Variants in TSPAN18 observed in about 807,000 individuals in gnomAD.
TSPAN18 encodes the protein tetraspanin-18.
In TSPAN18, 14 loss-of-function variants were observed where a neutral mutation model predicts 27.3. The observed-to-expected ratio is 0.51, with a 90% CI of 0.34 to 0.80. The LOEUF (loss-of-function observed/expected upper bound fraction) is 0.80, where lower values mean the gene tolerates loss of function less well. Ranked by LOEUF, TSPAN18 falls within the 30% of genes least tolerant of loss-of-function variation. The pLI is 0.01. For synonymous variants in TSPAN18, 143 were observed against 136.5 expected (o/e 1.05, Z -0.33); for missense variants, 268 against 323.9 (o/e 0.83, Z 1.32).
intron 1 of TSPAN18, among the ~76,000 whole-genome samples, chr11:44,737,539 C>T (rs905489769): frequency 8.5e-5 from 13 of 152,202 alleles, no homozygotes; most frequent in African/African-American, 3.1e-4. Context: ...AGTCTGCATT[C>T]AATTTATAGG....
intron 3 of TSPAN18, among the ~76,000 whole-genome samples, chr11:44,902,725 C>A (rs1019491069): frequency 1.3e-5 from 2 of 152,156 alleles, no homozygotes; most frequent in African/African-American, 4.8e-5. Flanking sequence ...GGCACCAAAG[C>A]AGGCAGCTCT....
At position 44,928,646 on chromosome 11, in the gene TSPAN18, C is replaced by T. The variant is rs532000389; in HGVS notation, c.700-485C>T. ...ACTAAAAATATAAAAATCAGCTGGGCGTGGTGACGCATGCCTGTAGTCCCA... is the reference window on the plus strand; with the variant it reads ...ACTAAAAATATAAAAATCAGCTGGGTGTGGTGACGCATGCCTGTAGTCCCA... On this transcript the variant is annotated intron_variant, in intron 9 of 9. Coordinates refer to ENST00000520358, the MANE Select transcript of TSPAN18 (RefSeq NM_130783.5). 3.3e-5 allele frequency among the ~76,000 whole-genome samples: 5 copies of T among 152,230 alleles called. No individual in the cohort carries two copies. The East Asian group carries it at 5.8e-4, about 18-fold the overall frequency.
chr11:44,913,077 C>T (rs921686140), intron 5 of TSPAN18, among the ~76,000 whole-genome samples: 5 of 152,196 alleles, frequency 3.3e-5, no homozygotes, highest in Admixed American at 1.3e-4. Context: ...TGGTTCCAAC[C>T]GAAGAGGGCA....
chr11:44,823,078 C>T (rs1219132285), intron 2 of TSPAN18, among the ~76,000 whole-genome samples: 1 of 152,222 alleles, frequency 6.6e-6, no homozygotes, highest in Admixed American at 6.5e-5. Context: ...GTCATCACTT[C>T]ATTCATTACA....
chr11:44,824,832 C>T (rs547944745), intron 2 of TSPAN18, among the ~76,000 whole-genome samples: 3 of 152,206 alleles, frequency 2.0e-5, no homozygotes, highest in South Asian at 2.1e-4. Context: ...GATGCTTCTG[C>T]GGGGATGATG....
At chr11:44,804,708 C>G (rs1245361565) in intron 2 of TSPAN18, among the ~76,000 whole-genome samples, 1 of 148,682 alleles carries the variant, frequency 6.7e-6, no homozygotes, top group Non-Finnish European at 1.5e-5. Flanking sequence ...GTGTGTTTAT[C>G]TTTAAGGTCT....
chr11:44,807,430 A>G (rs1312084287), intron 2 of TSPAN18, among the ~76,000 whole-genome samples: 1 of 142,558 alleles, frequency 7.0e-6, no homozygotes, highest in Admixed American at 7.2e-5. Context: ...TGGGAGGCTG[A>G]GGCAGGAGAA....
chr11:44,824,236 C>A (rs1440509917), intron 2 of TSPAN18, among the ~76,000 whole-genome samples: 2 of 152,212 alleles, frequency 1.3e-5, no homozygotes, highest in African/African-American at 4.8e-5. Context: ...GCCCTCACCC[C>A]ACACCCCTCC....
chr11:44,791,980 G>C (rs982747443), intron 2 of TSPAN18, among the ~76,000 whole-genome samples: 1 of 152,210 alleles, frequency 6.6e-6, no homozygotes, highest in Admixed American at 6.5e-5. Flanking sequence ...CAATGTCCTG[G>C]ATAGGGGGGT....
chr11:44,906,719 A>C (rs1052311868), intron 4 of TSPAN18, among the ~76,000 whole-genome samples: 3 of 152,148 alleles, frequency 2.0e-5, no homozygotes, highest in African/African-American at 7.2e-5. Context: ...AGCCCCTCTC[A>C]AAAAGGTGGA....
intron 2 of TSPAN18, among the ~76,000 whole-genome samples, chr11:44,855,521 T>C (rs1345151554): frequency 6.6e-6 from 1 of 152,098 alleles, no homozygotes. Context: ...ATGGCTTTAT[T>C]TTTTTTTCCC....
intron 2 of TSPAN18, among the ~76,000 whole-genome samples, chr11:44,851,905 G>T (rs1857615767): frequency 6.6e-6 from 1 of 152,120 alleles, no homozygotes; most frequent in African/African-American, 2.4e-5. Context: ...TACAACAGTG[G>T]TTCAGAACAC....
At chr11:44,860,114 C>T (rs1857838314) in intron 2 of TSPAN18, among the ~76,000 whole-genome samples, 1 of 152,208 alleles carries the variant, frequency 6.6e-6, no homozygotes, top group Non-Finnish European at 1.5e-5. Flanking sequence ...CATGCAAACA[C>T]AGGCACATGC....
chr11:44,888,716 A>G (rs1258507104), intron 3 of TSPAN18, among the ~76,000 whole-genome samples: 1 of 152,156 alleles, frequency 6.6e-6, no homozygotes, highest in East Asian at 1.9e-4. Context: ...TCCCCTCTGG[A>G]CAGTCTCCTG....
chr11:44,928,154 CAG>C (rs946822399), intron 9 of TSPAN18, among the ~76,000 whole-genome samples: 1 of 152,190 alleles, frequency 6.6e-6, no homozygotes, highest in Non-Finnish European at 1.5e-5. Flanking sequence ...CAAATCTGGT[CAG>C]AGTCCCTGAG....
At chr11:44,911,844 G>A (rs1437631326) in intron 5 of TSPAN18, among the ~76,000 whole-genome samples, 1 of 152,100 alleles carries the variant, frequency 6.6e-6, no homozygotes, top group Non-Finnish European at 1.5e-5. Flanking sequence ...GGTAGGAGAT[G>A]TGTCCACGAT....
chr11:44,753,900 G>A (rs1037058384), intron 1 of TSPAN18, among the ~76,000 whole-genome samples: 11 of 152,138 alleles, frequency 7.2e-5, no homozygotes, highest in Admixed American at 5.2e-4. Context: ...GTATTTGGAC[G>A]CAACACACTT....
chr11:44,919,190 C>G lies in TSPAN18; in HGVS notation c.334-24C>G, dbSNP rs1465028656. The G allele has an allele frequency of 2.5e-6, 4 of 1,601,514 alleles. No individual in the cohort carries two copies. In the African/African-American group the frequency reaches 4.0e-5, roughly 16 times the overall value. ...GCTGCACCCAACTGCCAGGCCTAAGCCCATCTTCTCCCTCTGCCCCCAGCT... is the reference window on the plus strand; with the variant it reads ...GCTGCACCCAACTGCCAGGCCTAAGGCCATCTTCTCCCTCTGCCCCCAGCT... On this transcript the variant is annotated intron_variant, in intron 6 of 9. Transcript: ENST00000520358.
At chr11:44,861,795 A>T (rs72899305) in intron 3 of TSPAN18, among the ~76,000 whole-genome samples, 17,893 of 53,658 alleles carry the variant, frequency 0.33, 1,345 homozygotes, top group South Asian at 0.45. Flanking sequence ...CCCAAATTTC[A>T]CACACACACA....
Sources: allele counts gnomAD v4.1 joint callset (sites outside exome capture counted in the v4.1 genomes callset), GRCh38; gene constraint gnomAD v4.1.1; transcripts MANE v1.5; gene names NCBI Gene and HGNC (gene_info 2026-07-23, HGNC 2026-07-21).